The following TXNDC8 variants were observed in gnomAD, a reference collection of about 807,000 sequenced individuals.
TXNDC8 encodes thioredoxin domain containing 8.
Under a neutral mutation model 12.9 loss-of-function variants are expected in TXNDC8, and 15 were observed. The ratio of observed to expected loss-of-function variants is 1.16; its 90% CI spans 0.78 to 1.79. TXNDC8 has a LOEUF of 1.79. TXNDC8 is among the 40% of genes most tolerant of loss of function. TXNDC8 has a pLI of 0.00. For synonymous variants in TXNDC8, 40 were observed against 35.4 expected, an observed-to-expected ratio of 1.13 and a Z score of -0.46; for missense variants, 128 against 113.2, an observed-to-expected ratio of 1.13 and a Z score of -0.59.
At chr9:110,316,175 C>T (rs1014064971) in intron 3 of TXNDC8, among the ~76,000 whole-genome samples, 3 of 151,952 alleles carry the variant, frequency 2.0e-5, no homozygotes, top group Non-Finnish European at 4.4e-5. Context: ...CTCGGCCTCC[C>T]AAAGTGCTGA....
intron 3 of TXNDC8, among the ~76,000 whole-genome samples, chr9:110,304,906 G>C (rs555869477): frequency 1.6e-4 from 24 of 152,234 alleles, no homozygotes; most frequent in Non-Finnish European, 1.0e-4. Flanking sequence ...TGAGCACCTC[G>C]GGAGGCTGAG....
chr9:110,336,321 A>G (rs1839758879), intron 1 of TXNDC8, among the ~76,000 whole-genome samples: 1 of 152,198 alleles, frequency 6.6e-6, no homozygotes, highest in Non-Finnish European at 1.5e-5. Context: ...CTCAAAGAAG[A>G]TGCACTCTCT....
At chr9:110,316,308 A>T (rs868120221) in intron 3 of TXNDC8, among the ~76,000 whole-genome samples, 2 of 152,146 alleles carry the variant, frequency 1.3e-5, no homozygotes, top group Non-Finnish European at 1.5e-5. Flanking sequence ...GAATAAGATG[A>T]AAAGAATATG....
intron 3 of TXNDC8, among the ~76,000 whole-genome samples, chr9:110,318,897 T>G (rs1838986758): frequency 6.6e-6 from 1 of 152,220 alleles, no homozygotes; most frequent in Non-Finnish European, 1.5e-5. Context: ...ATCCTGCACT[T>G]GTCATATCCT....
intron 1 of TXNDC8, among the ~76,000 whole-genome samples, chr9:110,335,268 G>A (rs776806746): frequency 2.6e-5 from 4 of 151,944 alleles, no homozygotes; most frequent in Non-Finnish European, 5.9e-5. Flanking sequence ...GACAGGGTCT[G>A]GCTGTTCATC....
intron 3 of TXNDC8, among the ~76,000 whole-genome samples, chr9:110,319,729 T>G (rs57606527): frequency 0.089 from 13,542 of 152,260 alleles, 724 homozygotes; most frequent in East Asian, 0.18. Flanking sequence ...AAAAGTATTG[T>G]TTACCTTATT....
At chr9:110,337,041 C>T (rs1464782248) in intron 1 of TXNDC8, among the ~76,000 whole-genome samples, 1 of 152,186 alleles carries the variant, frequency 6.6e-6, no homozygotes, top group African/African-American at 2.4e-5. Context: ...AGTTACAGGG[C>T]AGTACTCTCT....
intron 3 of TXNDC8, among the ~76,000 whole-genome samples, chr9:110,314,970 A>G (rs1838830100): frequency 6.6e-6 from 1 of 152,226 alleles, no homozygotes; most frequent in Admixed American, 6.5e-5. Flanking sequence ...GTGGCTGTCC[A>G]TGCATAATAG....
intron 3 of TXNDC8, among the ~76,000 whole-genome samples, chr9:110,317,987 A>G (rs1414156187): frequency 6.6e-6 from 1 of 152,222 alleles, no homozygotes; most frequent in Non-Finnish European, 1.5e-5. Context: ...CTTTGCATAC[A>G]CATCAATATT....
Position 110,334,253 on chromosome 9 carries a change from CG to C in TXNDC8, c.91del (p.Arg31GlyfsTer36). 1 of 1,613,770 alleles carries C rather than the reference CG, an allele frequency of 6.2e-7. No homozygotes were observed. The highest frequency in any genetic ancestry group is 8.5e-7 in the Non-Finnish European group (1 of 1,179,752). On this transcript the variant is annotated frameshift_variant, in exon 2 of 5. Coordinates refer to ENST00000423740, the MANE Select transcript of TXNDC8 (RefSeq NM_001286946.2). LOFTEE classifies it high-confidence loss of function. The stretch of plus-strand genomic sequence containing the variant: ...AAACATCCTTTTGCAGGGACCACAC[CG>C]TTTCGAAGAAAATTGAACCACTGCG...
chr9:110,333,766 G>A (rs1187465634), intron 2 of TXNDC8, among the ~76,000 whole-genome samples: 1 of 152,114 alleles, frequency 6.6e-6, no homozygotes, highest in Non-Finnish European at 1.5e-5. Context: ...TATCAATAAA[G>A]CTGTAGGAAA....
chr9:110,334,580 G>T (rs970241815), intron 1 of TXNDC8, among the ~76,000 whole-genome samples: 2 of 152,074 alleles, frequency 1.3e-5, no homozygotes, highest in Admixed American at 6.5e-5. Context: ...GGTGTACCAT[G>T]CCATTGTTCT....
intron 1 of TXNDC8, 103 bp from the exon 2 acceptor site, chr9:110,334,423 T>A: frequency 9.6e-7 from 1 of 1,046,358 alleles, no homozygotes; most frequent in Non-Finnish European, 1.4e-6. Context: ...TTTTTGGTTT[T>A]TTTAAAGCCA....
At chr9:110,320,733 C>T (rs1246113527) in intron 3 of TXNDC8, among the ~76,000 whole-genome samples, 1 of 152,192 alleles carries the variant, frequency 6.6e-6, no homozygotes, top group Non-Finnish European at 1.5e-5. Context: ...GAACAACTTA[C>T]AAGAGAATGC....
chr9:110,331,911 T>A (rs1839561517), intron 2 of TXNDC8, among the ~76,000 whole-genome samples: 1 of 152,138 alleles, frequency 6.6e-6, no homozygotes, highest in East Asian at 1.9e-4. Flanking sequence ...ATCCATGGCT[T>A]GGGGGTTGGG....
At chr9:110,328,425 CA>C (rs144140456) in intron 2 of TXNDC8, among the ~76,000 whole-genome samples, 1 of 151,846 alleles carries the variant, frequency 6.6e-6, no homozygotes, top group African/African-American at 2.4e-5. Context: ...TATGATGCTT[CA>C]AAAAAACACA....
chr9:110,317,403 C>T (rs1362052668), intron 3 of TXNDC8, among the ~76,000 whole-genome samples: 3 of 152,162 alleles, frequency 2.0e-5, no homozygotes, highest in African/African-American at 7.2e-5. Flanking sequence ...TAAGCTGACA[C>T]AAAGGAATGA....
intron 2 of TXNDC8, among the ~76,000 whole-genome samples, chr9:110,330,355 A>G (rs1839500768): frequency 6.6e-6 from 1 of 152,162 alleles, no homozygotes; most frequent in Admixed American, 6.5e-5. Context: ...TATTTTCTAT[A>G]TGCCACATTT....
intron 2 of TXNDC8, among the ~76,000 whole-genome samples, chr9:110,326,919 A>G (rs866399421): frequency 2.5e-4 from 34 of 138,248 alleles, no homozygotes; most frequent in Admixed American, 1.4e-3. Context: ...TTGGCATTAA[A>G]TCTCTTGCCC....
Sources: allele counts gnomAD v4.1 joint callset (sites outside exome capture counted in the v4.1 genomes callset), GRCh38; gene constraint gnomAD v4.1.1; transcripts MANE v1.5; gene names NCBI Gene and HGNC (gene_info 2026-07-23, HGNC 2026-07-21).